TMEM229B: variants seen among roughly 807,000 people sequenced by gnomAD.
The protein encoded by TMEM229B is chromosome 14 open reading frame 83.
A neutral mutation model predicts 13.7 loss-of-function variants in TMEM229B; 6 were observed. The ratio of observed to expected loss-of-function variants is 0.44; its 90% CI spans 0.24 to 0.86. The LOEUF (loss-of-function observed/expected upper bound fraction) is 0.86, where lower values mean the gene tolerates loss of function less well. TMEM229B is among the 40% of genes least tolerant of loss of function. TMEM229B has a pLI of 0.23. For missense variants in TMEM229B, 170 were observed against 236.0 expected, an observed-to-expected ratio of 0.72 and a Z score of 1.83; for synonymous variants, 107 against 102.1, an observed-to-expected ratio of 1.05 and a Z score of -0.29.
At chr14:67,515,924 G>A (rs1159118571), upstream of TMEM229B, among the ~76,000 whole-genome samples, 1 of 152,256 alleles carries the variant, frequency 6.6e-6, no homozygotes, top group Non-Finnish European at 1.5e-5. Flanking sequence ...TGGAAGTTAA[G>A]GAATTTGCCT....
chr14:67,496,625 CT>C (rs2032393998), intron 1 of TMEM229B, among the ~76,000 whole-genome samples: 2 of 151,098 alleles, frequency 1.3e-5, no homozygotes, highest in African/African-American at 4.9e-5. Flanking sequence ...TCTTCCTATT[CT>C]TTTCCCTTCC....
At chr14:67,528,717 G>C (rs1489038724) in intron 1 of TMEM229B, among the ~76,000 whole-genome samples, 1 of 151,884 alleles carries the variant, frequency 6.6e-6, no homozygotes, top group Non-Finnish European at 1.5e-5. Flanking sequence ...CGTATAACCC[G>C]CAGCTGCAGC....
upstream of TMEM229B, among the ~76,000 whole-genome samples, chr14:67,515,756 G>A (rs2140259110): frequency 6.6e-6 from 1 of 152,318 alleles, no homozygotes; most frequent in East Asian, 1.9e-4. Flanking sequence ...CATCCACTGT[G>A]GGTACCATTG....
At chr14:67,518,025 A>C (rs1236962617), upstream of TMEM229B, among the ~76,000 whole-genome samples, 2 of 152,206 alleles carry the variant, frequency 1.3e-5, no homozygotes, top group Non-Finnish European at 2.9e-5. Flanking sequence ...AAGAATGCTG[A>C]AACTTACATA....
At chr14:67,498,672 G>T (rs1185965358) in intron 1 of TMEM229B, among the ~76,000 whole-genome samples, 1 of 152,062 alleles carries the variant, frequency 6.6e-6, no homozygotes. Context: ...GTTGTTGTTG[G>T]TTTTCCTTTT....
At chr14:67,493,950 GT>G (rs1566687107) in intron 1 of TMEM229B, among the ~76,000 whole-genome samples, 1 of 151,944 alleles carries the variant, frequency 6.6e-6, no homozygotes, top group Non-Finnish European at 1.5e-5. Context: ...ATCTGTGACA[GT>G]TGCTGTCTGC....
At chr14:67,481,486 T>C (rs1165349442) in intron 2 of TMEM229B, among the ~76,000 whole-genome samples, 2 of 151,814 alleles carry the variant, frequency 1.3e-5, no homozygotes, top group Non-Finnish European at 2.9e-5. Context: ...ACAGGGGAAA[T>C]GAAAGACCTG....
chr14:67,484,742 A>T (rs1187532616), intron 2 of TMEM229B, among the ~76,000 whole-genome samples: 1 of 152,140 alleles, frequency 6.6e-6, no homozygotes, highest in East Asian at 1.9e-4. Context: ...TGGGCAACAT[A>T]GTGAGACCTC....
chr14:67,533,081 C>T (rs1481014918), intron 1 of TMEM229B, among the ~76,000 whole-genome samples: 1 of 152,166 alleles, frequency 6.6e-6, no homozygotes, highest in Non-Finnish European at 1.5e-5. Context: ...TCCTGTGCCT[C>T]TCCGCGAGCT....
chr14:67,513,029 T>G (rs971057958), intron 1 of TMEM229B, among the ~76,000 whole-genome samples: 1 of 152,190 alleles, frequency 6.6e-6, no homozygotes, highest in African/African-American at 2.4e-5. Flanking sequence ...ACTAACTCAT[T>G]TAATATCTTT....
chr14:67,511,432 C>T (rs888493591), intron 1 of TMEM229B, among the ~76,000 whole-genome samples: 3 of 152,146 alleles, frequency 2.0e-5, no homozygotes, highest in African/African-American at 4.8e-5. Context: ...GAGACCTGTC[C>T]GTGTAGATGG....
intron 2 of TMEM229B, among the ~76,000 whole-genome samples, chr14:67,486,097 G>T (rs933890123): frequency 6.6e-6 from 1 of 152,190 alleles, no homozygotes; most frequent in Admixed American, 6.5e-5. Flanking sequence ...GTGAGTGCTC[G>T]CTTCACTCAC....
chr14:67,519,206 C>A (rs902485817), upstream of TMEM229B, among the ~76,000 whole-genome samples: 2 of 152,102 alleles, frequency 1.3e-5, no homozygotes, highest in Admixed American at 6.5e-5. Flanking sequence ...ACTCAGATCA[C>A]GTAGGATTCT....
chr14:67,470,396 A>C lies in TMEM229B; in HGVS notation c.*3024T>G, dbSNP rs2030626933. 1 of 152,222 alleles carries C rather than the reference A, an allele frequency of 6.6e-6. No individual in the cohort carries two copies. Among genetic ancestry groups the C allele is most frequent in the African/African-American group, 2.4e-5 (1 of 41,430 alleles). The allele number at this position is 152,222 out of a possible 1,614,324, so 9.4% of individuals were successfully genotyped here. A position where few individuals can be genotyped will look rare whatever the true frequency, so the allele number is the denominator to read the frequency against. On this transcript the variant is annotated 3_prime_UTR_variant, in exon 3 of 3. Transcript: ENST00000554480. ...GTGTGTCCTTCTCAAGAGCTGCCCA[A>C]CTGGGAGACAGTCCCACCCACCTCA...
At chr14:67,506,931 C>T (rs1207759806) in intron 1 of TMEM229B, among the ~76,000 whole-genome samples, 1 of 152,150 alleles carries the variant, frequency 6.6e-6, no homozygotes, top group Non-Finnish European at 1.5e-5. Flanking sequence ...TTGCAGTGAG[C>T]TGAGATCGTG....
intron 1 of TMEM229B, among the ~76,000 whole-genome samples, chr14:67,511,998 C>T (rs767097144): frequency 1.3e-5 from 2 of 152,234 alleles, no homozygotes. Flanking sequence ...AGCTCAAAGT[C>T]TGAGGCAAAT....
At chr14:67,506,227 G>A (rs765183238) in intron 1 of TMEM229B, among the ~76,000 whole-genome samples, 1 of 151,894 alleles carries the variant, frequency 6.6e-6, no homozygotes, top group African/African-American at 2.4e-5. Flanking sequence ...TTCATAAAGC[G>A]GGTGTATTTT....
At chr14:67,496,206 A>C (rs1375957067) in intron 1 of TMEM229B, among the ~76,000 whole-genome samples, 1 of 151,946 alleles carries the variant, frequency 6.6e-6, no homozygotes, top group African/African-American at 2.4e-5. Flanking sequence ...TATTTTTAAA[A>C]ATTTTGTATC....
chr14:67,500,447 T>A (rs529334749), intron 1 of TMEM229B, among the ~76,000 whole-genome samples: 8 of 152,030 alleles, frequency 5.3e-5, no homozygotes, highest in African/African-American at 1.9e-4. Flanking sequence ...TGCACTCCAA[T>A]CAGGGCAACA....
Sources: gnomAD v4.1 joint callset for allele counts (sites outside exome capture counted in the v4.1 genomes callset) on GRCh38, gnomAD v4.1.1 for gene constraint, MANE v1.5 for transcripts, NCBI Gene and HGNC (gene_info 2026-07-23, HGNC 2026-07-21) for gene names.